The following MEF2A variants were observed in gnomAD, a reference collection of about 807,000 sequenced individuals.
MEF2A encodes the protein myocyte enhancer factor 2A.
In MEF2A, 28 loss-of-function variants were observed where a neutral mutation model predicts 55.8. That is an observed-to-expected ratio of 0.50 (90% confidence interval 0.37 to 0.69). The LOEUF (loss-of-function observed/expected upper bound fraction) is 0.69, where lower values mean the gene tolerates loss of function less well. MEF2A is among the 30% of genes least tolerant of loss of function. The probability of loss-of-function intolerance (pLI) is 0.00; values close to 1 mark genes in which losing one functional copy is unlikely to be tolerated. For synonymous variants in MEF2A, 239 were observed against 227.1 expected (o/e 1.05, Z -0.47); for missense variants, 528 against 626.2 (o/e 0.84, Z 1.67).
intron 2 of MEF2A, among the ~76,000 whole-genome samples, chr15:99,622,397 A>G (rs2041333663): frequency 6.6e-6 from 1 of 152,226 alleles, no homozygotes; most frequent in Non-Finnish European, 1.5e-5. Context: ...CATTTTGAGT[A>G]AAACTCCTTT....
intron 1 of MEF2A, among the ~76,000 whole-genome samples, chr15:99,571,200 A>T (rs984461817): frequency 4.0e-5 from 6 of 151,810 alleles, no homozygotes; most frequent in Non-Finnish European, 7.4e-5. Context: ...AAAAAAAACA[A>T]CAACAACAAC....
At chr15:99,627,135 A>T (rs2042166902) in intron 2 of MEF2A, among the ~76,000 whole-genome samples, 1 of 152,038 alleles carries the variant, frequency 6.6e-6, no homozygotes. Flanking sequence ...AGCCAAAAGG[A>T]GGTGAGGGTG....
rs148969148 is a variant in MEF2A at position 99,688,939 on chromosome 15, G to C, written c.671-1302G>C. The stretch of plus-strand genomic sequence containing the variant: ...CAAATGCCTATCACTAAGTTCATCT[G>C]GGGGCTGGAGGGAGGGTTGCAGAGA... On this transcript the variant is annotated intron_variant, in intron 7 of 11. Coordinates refer to ENST00000557942, the MANE Select transcript of MEF2A (RefSeq NM_001319206.4). Among the ~76,000 whole-genome samples the C allele has an allele frequency of 8.6e-4, 131 of 152,174 alleles. 1 individual carries two copies. Among genetic ancestry groups the C allele is most frequent in the African/African-American group, 3.0e-3 (125 of 41,500 alleles).
In MEF2A at chr15:99,592,490, G is replaced by A. The variant is rs146963562; in HGVS notation, c.-224-5940G>A. ...TGTATGTGCAAAACACACTGTGTTA[G>A]TCTGTTTGCATTGCTGTAAGGGAAT... is the stretch of plus-strand genomic sequence containing the variant. On this transcript the variant is annotated intron_variant, in intron 1 of 11. Coordinates refer to ENST00000557942, the MANE Select transcript of MEF2A (RefSeq NM_001319206.4). Among the ~76,000 whole-genome samples, 8 of 152,256 alleles carry A rather than the reference G, an allele frequency of 5.3e-5. No individual in the cohort carries two copies. The East Asian group carries it at 1.5e-3, about 29-fold the overall frequency.
chr15:99,627,603 C>T (rs1260552919), intron 2 of MEF2A, among the ~76,000 whole-genome samples: 1 of 152,036 alleles, frequency 6.6e-6, no homozygotes, highest in Non-Finnish European at 1.5e-5. Flanking sequence ...TGAAAAGTCA[C>T]AAATTATATT....
intron 2 of MEF2A, among the ~76,000 whole-genome samples, chr15:99,628,428 C>T (rs1476343976): frequency 6.6e-6 from 1 of 152,046 alleles, no homozygotes. Context: ...TAGTTTAATC[C>T]TATTTAATGT....
At position 99,712,888 on chromosome 15, in the gene MEF2A, CCT is replaced by C. The variant is rs2153834065; in HGVS notation, c.*118_*119del. The C allele has an allele frequency of 3.6e-6, 4 of 1,101,762 alleles. No homozygotes were observed. The East Asian group carries it at 1.0e-4, about 29-fold the overall frequency. The allele number at this position is 1,101,762 out of a possible 1,614,324, so 68.2% of individuals were successfully genotyped here. A position where few individuals can be genotyped will look rare whatever the true frequency, so the allele number is the denominator to read the frequency against. ...TTATATGTACATACATATATATATCCCTTTACATATATATGTATGTGGGTGTG... is the reference window on the plus strand; with the variant it reads ...TTATATGTACATACATATATATATCCTTACATATATATGTATGTGGGTGTG... On this transcript the variant is annotated 3_prime_UTR_variant, in exon 12 of 12. Transcript: ENST00000557942. The surrounding 1 kb of genome is among the most constrained non-coding windows in gnomAD (Gnocchi z 4.1).
intron 2 of MEF2A, chr15:99,621,206 C>G (rs1264030180): frequency 6.6e-6 from 1 of 152,190 alleles, no homozygotes; most frequent in East Asian, 1.9e-4. Context: ...ATTTTTCCTA[C>G]CCACAACAAT....
At chr15:99,602,653 G>GGGTGTGT (rs1555454713) in intron 2 of MEF2A, among the ~76,000 whole-genome samples, 2 of 44,842 alleles carry the variant, frequency 4.5e-5, no homozygotes, top group African/African-American at 1.4e-4. Context: ...ACATTCCTGG[G>GGGTGTGT]GTGTGTGTGT....
In MEF2A at chr15:99,710,657, C is replaced by T. The variant is rs755705324; in HGVS notation, c.1033C>T (p.Leu345=). 3 of 1,613,580 alleles carry T rather than the reference C, an allele frequency of 1.9e-6. No individual in the cohort carries two copies. The highest frequency in any genetic ancestry group is 2.5e-6 in the Non-Finnish European group (3 of 1,179,494). Residue 345 remains leucine, a synonymous_variant, in exon 11 of 12, where the codon CTG becomes TTG. Coordinates refer to ENST00000557942, the MANE Select transcript of MEF2A (RefSeq NM_001319206.4). ...AGATTATTCACTGACCAGCGCTGAC[C>T]TGTCAGCCCTTCAAGGCTTCAACTC... is the stretch of plus-strand genomic sequence containing the variant. The part of the protein sequence containing the change: ...NTDYSLTSAD[L]SALQGFNSPG...
intron 7 of MEF2A, among the ~76,000 whole-genome samples, chr15:99,687,084 C>CTTTTTTTTTTTTTTTTT (rs71149484): frequency 4.4e-5 from 3 of 67,762 alleles, no homozygotes; most frequent in Non-Finnish European, 5.2e-5. Flanking sequence ...ATTAATTTTT[C>CTTTTTTTTTTTTTTTTT]TTTTTTTTTT....
intron 1 of MEF2A, among the ~76,000 whole-genome samples, chr15:99,582,469 G>A (rs1329513696): frequency 6.6e-6 from 1 of 151,852 alleles, no homozygotes; most frequent in African/African-American, 2.4e-5. Context: ...TATTTTTTCT[G>A]CCTTACTGTA....
chr15:99,675,311 A>G, intron 6 of MEF2A, 88 bp from the exon 7 acceptor site: 1 of 1,111,460 alleles, frequency 9.0e-7, no homozygotes, highest in Non-Finnish European at 1.4e-6. Context: ...AGTGAGAGTT[A>G]TCTCTATTCA....
chr15:99,685,778 T>C (rs924192388), intron 7 of MEF2A, among the ~76,000 whole-genome samples: 8 of 152,194 alleles, frequency 5.3e-5, no homozygotes, highest in East Asian at 3.8e-4. Flanking sequence ...AGTTTACTTT[T>C]GTTATATCCT....
chr15:99,675,259 CAG>C, intron 6 of MEF2A, 138 bp from the exon 7 acceptor site: 2 of 752,014 alleles, frequency 2.7e-6, no homozygotes, highest in Non-Finnish European at 4.8e-6. Context: ...ATGCCAACTT[CAG>C]ACTGAGCTAG....
chr15:99,649,969 A>G (rs1324601788), intron 4 of MEF2A, among the ~76,000 whole-genome samples: 2 of 152,196 alleles, frequency 1.3e-5, no homozygotes, highest in Non-Finnish European at 2.9e-5. Context: ...GGTAACATTC[A>G]GAAATCATTT....
At chr15:99,688,684 G>A (rs1023383280) in intron 7 of MEF2A, among the ~76,000 whole-genome samples, 1 of 152,170 alleles carries the variant, frequency 6.6e-6, no homozygotes, top group Non-Finnish European at 1.5e-5. Flanking sequence ...GTGAACCCAG[G>A]AGGTGGAGCT....
chr15:99,675,444 G>A lies in MEF2A; in HGVS notation c.656G>A (p.Gly219Glu). The A allele has an allele frequency of 6.2e-7, 1 of 1,613,912 alleles. No homozygotes were observed. The highest frequency in any genetic ancestry group is 8.5e-7 in the Non-Finnish European group (1 of 1,179,790). ...GACCTCACAGTGCCAAATGGAGCTG[G>A]AAGCAGTCCAGTGGGTGAGTGAATT... ...TTDLTVPNGAGSSPVGNGFVN... is the reference protein window; with the variant it reads ...TTDLTVPNGAESSPVGNGFVN... Residue 219 changes from glycine (G) to glutamate (E), a missense_variant, in exon 7 of 12, where the codon GGA becomes GAA. This residue lies in a region of MEF2A where 450 missense variants were observed against 475.3 expected (regional missense o/e 0.95). Coordinates refer to ENST00000557942, the MANE Select transcript of MEF2A (RefSeq NM_001319206.4).
intron 3 of MEF2A, among the ~76,000 whole-genome samples, chr15:99,641,263 C>T (rs138358852): frequency 5.9e-5 from 9 of 152,264 alleles, no homozygotes; most frequent in African/African-American, 2.2e-4. Flanking sequence ...TACCTGATGT[C>T]TTCAACTCCT....
Sources: allele counts gnomAD v4.1 joint callset (sites outside exome capture counted in the v4.1 genomes callset), GRCh38; gene constraint gnomAD v4.1.1; regional missense constraint gnomAD v4.1.1; non-coding constraint Gnocchi (gnomAD v3.1); transcripts MANE v1.5; gene names NCBI Gene and HGNC (gene_info 2026-07-23, HGNC 2026-07-21).